LRRC61: variants seen among roughly 807,000 people sequenced by gnomAD.
LRRC61 encodes leucine rich repeat containing 61.
In LRRC61, 9 loss-of-function variants were observed where a neutral mutation model predicts 15.1. That is an observed-to-expected ratio of 0.60 (90% CI 0.36 to 1.04). LRRC61 has a LOEUF of 1.04. Ranked by LOEUF, LRRC61 falls within the 50% of genes least tolerant of loss-of-function variation. LRRC61 has a pLI of 0.01. For synonymous variants in LRRC61, 173 were observed against 158.6 expected, an observed-to-expected ratio of 1.09 and a Z score of -0.68; for missense variants, 344 against 335.6, an observed-to-expected ratio of 1.03 and a Z score of -0.20.
chr7:150,321,402 A>C (rs1328450986), upstream of LRRC61, among the ~76,000 whole-genome samples: 1 of 152,208 alleles, frequency 6.6e-6, no homozygotes, highest in Non-Finnish European at 1.5e-5. Context: ...TGGAGAAACT[A>C]ATACTTCCAT....
the LRRC61 span, among the ~76,000 whole-genome samples, chr7:150,312,375 C>T: frequency 2.0e-5 from 3 of 152,144 alleles, no homozygotes; most frequent in Non-Finnish European, 4.4e-5. Context: ...CCGTTCAGAC[C>T]GCCACTCACA....
In LRRC61 at chr7:150,336,625, G is replaced by A; in HGVS notation, c.-144-93G>A. ...AGGTCTTGCCTGGCTGAGATTGTTG[G>A]TTTTCATGGTAAAAGCAGGGTCAGA... On this transcript the variant is annotated intron_variant, in intron 2 of 2. Transcript: ENST00000359623. The A allele has an allele frequency of 6.8e-6, 4 of 587,394 alleles. No homozygotes were observed. The South Asian group carries it at 8.7e-5, about 13-fold the overall frequency. 36.4% of individuals were successfully genotyped at this position (587,394 alleles called of 1,614,324 possible).
chr7:150,330,407 G>A lies in LRRC61; in HGVS notation c.-145+4397G>A, dbSNP rs2129618262. On this transcript the variant is annotated intron_variant, in intron 2 of 2. Transcript: ENST00000359623. This position sits in a 1 kb window ranked among gnomAD's most constrained non-coding sequence, Gnocchi z 4.6. ...GCAAGCTCCTGTAGCCCTTCCAGAT[G>A]GTGGTCCGCGAGGCGAGTGCGGCAC... 1 of 768,978 alleles carries A rather than the reference G, an allele frequency of 1.3e-6. No homozygotes were observed. Among genetic ancestry groups the A allele is most frequent in the South Asian group, 1.3e-5 (1 of 74,576 alleles). The allele number at this position is 768,978 out of a possible 1,614,324, so 47.6% of individuals were successfully genotyped here.
At chr7:150,315,251 T>C in the LRRC61 span, among the ~76,000 whole-genome samples, 1 of 151,878 alleles carries the variant, frequency 6.6e-6, no homozygotes, top group Non-Finnish European at 1.5e-5. Flanking sequence ...TACATTAAAA[T>C]CGAAATTCAT....
At position 150,337,168 on chromosome 7, in the gene LRRC61, A is replaced by G. The variant is rs760463532; in HGVS notation, c.307A>G (p.Asn103Asp). The G allele has an allele frequency of 6.2e-7, 1 of 1,609,860 alleles. No individual in the cohort carries two copies. Among genetic ancestry groups the G allele is most frequent in the Admixed American group, 1.7e-5 (1 of 60,032 alleles). ...CACCTGTGAGAACTTGCAGAGTCTC[A>G]ATGCCGCAGGCAACCTACTGGCCAC... ...LATCENLQSL[N>D]AAGNLLATPG... is the part of the protein sequence containing the mutation. The change falls in exon 3 of 3, where the codon AAT becomes GAT. Residue 103 changes from asparagine to aspartate, a missense_variant. Transcript: ENST00000359623.
the LRRC61 span, among the ~76,000 whole-genome samples, chr7:150,310,920 T>G: frequency 6.6e-6 from 1 of 152,072 alleles, no homozygotes; most frequent in Non-Finnish European, 1.5e-5. Flanking sequence ...TCAAATGTCT[T>G]CCCCTAGTGT....
intron 1 of LRRC61, among the ~76,000 whole-genome samples, chr7:150,325,113 T>C (rs1385548536): frequency 6.6e-6 from 1 of 152,248 alleles, no homozygotes; most frequent in Non-Finnish European, 1.5e-5. Flanking sequence ...CACATGGACC[T>C]GTATGAGGAA....
At chr7:150,319,252 G>GGAT (rs1459554676), upstream of LRRC61, among the ~76,000 whole-genome samples, 1 of 151,346 alleles carries the variant, frequency 6.6e-6, no homozygotes, top group Admixed American at 6.6e-5. Context: ...TACCTAGGCA[G>GGAT]GATGGAGTCC....
the LRRC61 span, among the ~76,000 whole-genome samples, chr7:150,309,744 C>A: frequency 1.3e-5 from 2 of 152,202 alleles, no homozygotes; most frequent in African/African-American, 2.4e-5. Context: ...AATATCACAG[C>A]CACTTCTAGG....
rs750828051 is a variant in LRRC61 at position 150,337,632 on chromosome 7, C to T, written c.771C>T (p.Phe257=). ...GCTCTGCGGGCCCCACCTCTTCCTT[C>T]GTCTTCTGAACGTGGCCTATGGCCC... The part of the protein sequence containing the change: ...VLSSAGPTSS[F]VF The change falls in exon 3 of 3, where the codon TTC becomes TTT. Residue 257 remains phenylalanine (F), a synonymous_variant. Transcript: ENST00000359623. 1.5e-5 allele frequency: 23 copies of T among 1,523,910 alleles called. No individual in the cohort carries two copies. Among genetic ancestry groups the T allele is most frequent in the East Asian group, 4.5e-5 (2 of 44,020 alleles). 94.4% of individuals were successfully genotyped at this position (1,523,910 alleles called of 1,614,324 possible). A position where few individuals can be genotyped will look rare whatever the true frequency, so the allele number is the denominator to read the frequency against.
rs759681404 is a variant in LRRC61 at position 150,330,824 on chromosome 7, C to T, written c.-145+4814C>T. ...ACCCCACCAGGGTAGCCAAGAGCTC[C>T]GGGGTGGAGGGGAGAAGCCAGGGGG... On this transcript the variant is annotated intron_variant, in intron 2 of 2. Coordinates refer to ENST00000359623, the MANE Select transcript of LRRC61 (RefSeq NM_001142928.2). This position sits in a 1 kb window ranked among gnomAD's most constrained non-coding sequence, Gnocchi z 4.6. The T allele has an allele frequency of 1.0e-4, 167 of 1,609,566 alleles. No homozygotes were observed. Among genetic ancestry groups the T allele is most frequent in the Middle Eastern group, 9.9e-4 (6 of 6,050 alleles).
At chr7:150,331,013 T>C in intron 2 of LRRC61, 2 of 1,611,584 alleles carry the variant, frequency 1.2e-6, no homozygotes. Context: ...TGTGGGAGAA[T>C]GAGACCGTTG....
chr7:150,329,454 AGT>A (rs1307169332), intron 2 of LRRC61, among the ~76,000 whole-genome samples: 1 of 152,148 alleles, frequency 6.6e-6, no homozygotes, highest in Non-Finnish European at 1.5e-5. Context: ...GGGTGGGGTG[AGT>A]GTGGGAGCCG....
chr7:150,314,996 T>A, the LRRC61 span, among the ~76,000 whole-genome samples: 1 of 147,216 alleles, frequency 6.8e-6, no homozygotes, highest in Non-Finnish European at 1.5e-5. Context: ...AATAATATTA[T>A]TAAATATTAT....
Position 150,336,893 on chromosome 7 carries a change from C to T in LRRC61, c.32C>T (p.Ala11Val). The T allele has an allele frequency of 1.9e-6, 3 of 1,603,604 alleles. No homozygotes were observed. The highest frequency in any genetic ancestry group is 2.6e-6 in the Non-Finnish European group (3 of 1,175,410). Residue 11 changes from alanine (A) to valine (V), a missense_variant, in exon 3 of 3, where the codon GCT (alanine) becomes GTT (valine). Transcript: ENST00000359623. ...CCTCCAGCGGAGAAGCCGGGAGAGG[C>T]TGGCGGACTGCAGATCACACCCCAG... The part of the protein sequence containing the change: MDPPAEKPGE[A>V]GGLQITPQLL...
chr7:150,312,540 C>T, the LRRC61 span, among the ~76,000 whole-genome samples: 1 of 152,170 alleles, frequency 6.6e-6, no homozygotes, highest in African/African-American at 2.4e-5. Flanking sequence ...GCTAATATGC[C>T]TGATTACTGT....
At chr7:150,318,113 G>C in the LRRC61 span, among the ~76,000 whole-genome samples, 1 of 152,200 alleles carries the variant, frequency 6.6e-6, no homozygotes, top group African/African-American at 2.4e-5. Flanking sequence ...GAGAAGACGA[G>C]AAGAATAGAG....
chr7:150,313,993 A>G, the LRRC61 span, among the ~76,000 whole-genome samples: 4 of 152,356 alleles, frequency 2.6e-5, no homozygotes, highest in African/African-American at 9.6e-5. Flanking sequence ...GGCCATGCAC[A>G]GGACGGAGCT....
upstream of LRRC61, among the ~76,000 whole-genome samples, chr7:150,321,704 C>T (rs911052052): frequency 2.0e-5 from 3 of 152,168 alleles, no homozygotes; most frequent in Non-Finnish European, 2.9e-5. Flanking sequence ...CACACCACTG[C>T]ACTCCAGCCT....
Sources: allele counts gnomAD v4.1 joint callset (sites outside exome capture counted in the v4.1 genomes callset), GRCh38; gene constraint gnomAD v4.1.1; non-coding constraint Gnocchi (gnomAD v3.1); transcripts MANE v1.5; gene names NCBI Gene and HGNC (gene_info 2026-07-23, HGNC 2026-07-21).